Variants in SLX4 observed in about 807,000 individuals in gnomAD.
SLX4 encodes SLX4 structure-specific endonuclease subunit.
In SLX4, 112 loss-of-function variants were observed where a neutral mutation model predicts 146.2. That is an observed-to-expected ratio of 0.77 (90% CI 0.66 to 0.90). The LOEUF (loss-of-function observed/expected upper bound fraction) is 0.90. SLX4 is among the 40% of genes least tolerant of loss of function. SLX4 has a pLI of 0.00. For missense variants in SLX4, 2,563 were observed against 2,392.7 expected, an observed-to-expected ratio of 1.07 and a Z score of -1.49; for synonymous variants, 1,061 against 997.7, an observed-to-expected ratio of 1.06 and a Z score of -1.20.
chr16:3,610,840 G>T (rs1332192519), intron 1 of SLX4, among the ~76,000 whole-genome samples: 1 of 152,222 alleles, frequency 6.6e-6, no homozygotes, highest in Non-Finnish European at 1.5e-5. Flanking sequence ...GGAGTAGAGA[G>T]AAAGGTGTAG....
chr16:3,583,633 G>C, intron 13 of SLX4, 123 bp from the exon 14 acceptor site: 2 of 1,034,212 alleles, frequency 1.9e-6, no homozygotes, highest in Non-Finnish European at 3.0e-6. Flanking sequence ...ACAAACCATA[G>C]ATGCCTGACT....
chr16:3,594,345 T>G (rs1439720377), intron 10 of SLX4, 108 bp downstream of exon 10: 37 of 1,415,798 alleles, frequency 2.6e-5, no homozygotes, highest in African/African-American at 6.0e-5. Context: ...TGAGGGAGAG[T>G]GGGGGGGTGG....
At position 3,609,490 on chromosome 16, in the gene SLX4, C is replaced by T. The variant is rs994611005; in HGVS notation, c.-526G>A. On this transcript the variant is annotated 5_prime_UTR_variant, in exon 2 of 15. An upstream start codon of the reference 5' UTR is lost. Transcript: ENST00000294008. ...CAATAGATGCCTCTGAGATCGAATA[C>T]ATATGAACCTGGTGCTCAGATAATT... 2.5e-5 allele frequency: 4 copies of T among 156,936 alleles called. No homozygotes were observed. The highest frequency in any genetic ancestry group is 9.7e-5 in the African/African-American group (4 of 41,394). 9.7% of individuals were successfully genotyped at this position (156,936 alleles called of 1,614,324 possible). A position where few individuals can be genotyped will look rare whatever the true frequency, so the allele number is the denominator to read the frequency against.
chr16:3,598,074 G>T, intron 5 of SLX4, 75 bp from the exon 6 acceptor site: 1 of 1,561,668 alleles, frequency 6.4e-7, no homozygotes, highest in Non-Finnish European at 8.8e-7. Flanking sequence ...CACTGGTCTG[G>T]AGAGGGCTGG....
chr16:3,598,840 G>A (rs966052527), intron 5 of SLX4, among the ~76,000 whole-genome samples: 2 of 152,194 alleles, frequency 1.3e-5, no homozygotes, highest in Non-Finnish European at 2.9e-5. Flanking sequence ...TCTGTGAAGG[G>A]AACACAGACT....
chr16:3,584,782 T>C lies in SLX4; in HGVS notation c.4726A>G (p.Lys1576Glu), dbSNP rs904745757. The change falls in exon 13 of 15, where the codon AAG becomes GAG. Residue 1576 changes from lysine to glutamate, a missense_variant. Transcript: ENST00000294008. ...AAGACCGCCAACCTATCCAGTTCCT[T>C]CTTCAGCACCGGCGTCTCCATAATG... ...YSIMETPVLK[K>E]ELDRFGVRPL... 2.5e-6 allele frequency: 4 copies of C among 1,613,682 alleles called. No individual in the cohort carries two copies. The highest frequency in any genetic ancestry group is 3.4e-6 in the Non-Finnish European group (4 of 1,179,588).
In SLX4 at chr16:3,592,681, C is replaced by G. The variant is rs976469658; in HGVS notation, c.2327+18G>C. The G allele has an allele frequency of 1.2e-6, 2 of 1,610,924 alleles. No homozygotes were observed. On this transcript the variant is annotated intron_variant, in intron 11 of 14. Transcript: ENST00000294008. ...AGTCCTCGTCAGTTAATTTCAAAAG[C>G]TGGGGAGCAATCCAGACCTGTGGGC...
At position 3,583,390 on chromosome 16, in the gene SLX4, C is replaced by A. The variant is rs1415687441; in HGVS notation, c.4860G>T (p.Leu1620=). 1.2e-6 allele frequency: 2 copies of A among 1,613,092 alleles called. No homozygotes were observed. The highest frequency in any genetic ancestry group is 1.7e-6 in the Non-Finnish European group (2 of 1,179,220). The part of the protein sequence containing the change: ...SEDESQSSQP[L]LQAPHCQTLA... Reference sequence around the variant, plus strand: ...GGGTCTGGCAGTGAGGCGCCTGCAACAGCGGCTGTGAGGACTGGCTCTCGT... The same window carrying A: ...GGGTCTGGCAGTGAGGCGCCTGCAAAAGCGGCTGTGAGGACTGGCTCTCGT... The change falls in exon 14 of 15, where the codon CTG becomes CTT. Residue 1620 remains leucine, a synonymous_variant. Coordinates refer to ENST00000294008, the MANE Select transcript of SLX4 (RefSeq NM_032444.4).
At chr16:3,610,432 C>T (rs1279464354) in intron 1 of SLX4, among the ~76,000 whole-genome samples, 1 of 152,182 alleles carries the variant, frequency 6.6e-6, no homozygotes, top group East Asian at 1.9e-4. Flanking sequence ...TAATATCTAT[C>T]GAATGCTTAC....
intron 11 of SLX4, among the ~76,000 whole-genome samples, chr16:3,591,886 G>A (rs1333047621): frequency 6.6e-6 from 1 of 152,198 alleles, no homozygotes; most frequent in Admixed American, 6.5e-5. Flanking sequence ...CATGCATGGT[G>A]GCTCATGCCC....
At position 3,582,418 on chromosome 16, in the gene SLX4, G is replaced by A. The variant is rs757727147; in HGVS notation, c.5429C>T (p.Thr1810Ile). The change falls in exon 15 of 15, where the codon ACT becomes ATT. Residue 1810 changes from threonine (T) to isoleucine (I), a missense_variant. Thr to Ile is a moderately conservative substitution (Grantham distance 89). Coordinates refer to ENST00000294008, the MANE Select transcript of SLX4 (RefSeq NM_032444.4). ...FLDTHCITFT[T>I]AATRREKLQG... ...GAGCTTCTCCCTGCGGGTGGCGGCA[G>A]TGGTGAAGGTGATACAGTGGGTGTC... 5.6e-6 allele frequency: 9 copies of A among 1,613,910 alleles called. 1 individual carries two copies. The South Asian group carries it at 8.8e-5, about 16-fold the overall frequency.
chr16:3,600,728 G>A (rs2040717104), intron 5 of SLX4: 1 of 395,498 alleles, frequency 2.5e-6, no homozygotes, highest in Non-Finnish European at 4.7e-6. Flanking sequence ...AGCCTCCCAA[G>A]TAGCTGGGAC....
In SLX4 at chr16:3,601,033, G is replaced by A. The variant is rs189224493; in HGVS notation, c.1109C>T (p.Ala370Val). 3 of 1,614,022 alleles carry A rather than the reference G, an allele frequency of 1.9e-6. No homozygotes were observed. The highest frequency in any genetic ancestry group is 2.5e-6 in the Non-Finnish European group (3 of 1,180,028). ...AGGCTGTGCTGTCTGCAGCCGCACA[G>A]CCTGAAGCAGGAGCTGGGGGCCAAC... ...MEVGPQLLLQAVRLQTAQPEG... is the reference protein window; with the variant it reads ...MEVGPQLLLQVVRLQTAQPEG... Residue 370 changes from alanine to valine, a missense_variant, in exon 5 of 15, where the codon GCT (alanine) becomes GTT (valine). By Grantham distance (64) the Ala-to-Val change is moderately conservative (BLOSUM62 0). Transcript: ENST00000294008.
Position 3,595,614 on chromosome 16 carries a change from G to A in SLX4, c.2004C>T (p.Gly668=), listed in dbSNP as rs769346714. ...CAGAGCCAGTTCTTACCAAGGTGCG[G>A]CCGCCCCTGTCCGGGTGCTTGTCCT... is the stretch of plus-strand genomic sequence containing the variant. The part of the protein sequence containing the change: ...PSQDKHPDRG[G]RTLLSLGLLV... The change falls in exon 9 of 15, where the codon GGC becomes GGT. Residue 668 remains glycine (G), a synonymous_variant. Transcript: ENST00000294008. The A allele has an allele frequency of 1.9e-6, 3 of 1,613,818 alleles. No homozygotes were observed. Among genetic ancestry groups the A allele is most frequent in the South Asian group, 2.2e-5 (2 of 91,076 alleles).
intron 7 of SLX4, among the ~76,000 whole-genome samples, chr16:3,596,595 C>T (rs1245067970): frequency 2.0e-5 from 3 of 152,242 alleles, no homozygotes; most frequent in Admixed American, 2.0e-4. Flanking sequence ...TGTCAACATG[C>T]TCCTCCTCTG....
intron 9 of SLX4, among the ~76,000 whole-genome samples, chr16:3,595,165 C>G (rs895783061): frequency 1.3e-5 from 2 of 152,224 alleles, no homozygotes; most frequent in African/African-American, 4.8e-5. Flanking sequence ...GAGGCCAGGC[C>G]AGGCTGCTCA....
At chr16:3,600,896 C>T in intron 5 of SLX4, 83 bp downstream of exon 5, 1 of 1,469,526 alleles carries the variant, frequency 6.8e-7, no homozygotes, top group South Asian at 1.2e-5. Context: ...GCGTCCAGCC[C>T]ATAAAAAGCT....
Position 3,589,109 on chromosome 16 carries a change from A to C in SLX4, c.4529T>G (p.Leu1510Arg). The change falls in exon 12 of 15, where the codon CTG becomes CGG. Residue 1510 changes from leucine (L) to arginine (R), a missense_variant. Physicochemically the swap from Leu to Arg is moderately radical, Grantham distance 102. Coordinates refer to ENST00000294008, the MANE Select transcript of SLX4 (RefSeq NM_032444.4). The surrounding 1 kb of genome is among the most constrained non-coding windows in gnomAD (Gnocchi z 6.2). Reference protein sequence around the residue: ...NSRPSFLNSALWDVWDGEEQR... With the variant: ...NSRPSFLNSARWDVWDGEEQR... ...CTCTTCCCCGTCCCAAACGTCCCAC[A>C]GAGCCGAATTCAGAAAGCTCGGCCT... 3 of 1,614,164 alleles carry C rather than the reference A, an allele frequency of 1.9e-6. No homozygotes were observed. The highest frequency in any genetic ancestry group is 2.5e-6 in the Non-Finnish European group (3 of 1,180,050).
intron 2 of SLX4, 142 bp from the exon 3 acceptor site, chr16:3,606,840 G>A: frequency 1.2e-6 from 1 of 846,554 alleles, no homozygotes. Context: ...AAGAGGACTG[G>A]TTGCTTGTTG....
Sources: gnomAD v4.1 joint callset for allele counts (sites outside exome capture counted in the v4.1 genomes callset) on GRCh38, gnomAD v4.1.1 for gene constraint, Gnocchi (gnomAD v3.1) non-coding constraint, MANE v1.5 for transcripts, NCBI Gene and HGNC (gene_info 2026-07-23, HGNC 2026-07-21) for gene names.